TP63: variants seen among roughly 807,000 people sequenced by gnomAD.
TP63 encodes tumor protein p63, also known as tumor protein 63.
TP63 carries 17 observed loss-of-function variants against 82.8 expected under a neutral mutation model. That is an observed-to-expected ratio of 0.21 (90% confidence interval 0.14 to 0.31). The LOEUF is 0.31. TP63 is among the 10% of genes least tolerant of loss of function. The probability of loss-of-function intolerance (pLI) is 1.00; values close to 1 mark genes in which losing one functional copy is unlikely to be tolerated. For synonymous variants in TP63, 330 were observed against 321.7 expected, an observed-to-expected ratio of 1.03 and a Z score of -0.28; for missense variants, 648 against 895.3, an observed-to-expected ratio of 0.72 and a Z score of 3.52.
intron 3 of TP63, among the ~76,000 whole-genome samples, chr3:189,807,516 T>C (rs916826514): frequency 1.3e-5 from 2 of 152,266 alleles, no homozygotes; most frequent in Non-Finnish European, 2.9e-5. Flanking sequence ...ATATTGACCA[T>C]AGAATTTTCT....
intron 3 of TP63, among the ~76,000 whole-genome samples, chr3:189,746,197 C>A (rs891703148): frequency 6.6e-6 from 1 of 151,514 alleles, no homozygotes; most frequent in Non-Finnish European, 1.5e-5. Flanking sequence ...TAAAGAGACC[C>A]CCATCAGACA....
At position 189,647,683 on chromosome 3, in the gene TP63, C is replaced by T. The variant is rs960917874; in HGVS notation, c.62+16106C>T. Among the ~76,000 whole-genome samples the T allele has an allele frequency of 4.1e-5, 6 of 146,668 alleles. No individual in the cohort carries two copies. The Middle Eastern group carries it at 0.01, about 255-fold the overall frequency. ...GCAAGCTGTCTGGTCATTGTGTATG[C>T]AGCCCTTGTAGGAAGACCGAAGCCA... On this transcript the variant is annotated intron_variant, in intron 1 of 13. Coordinates refer to ENST00000264731, the MANE Select transcript of TP63 (RefSeq NM_003722.5).
chr3:189,808,759 G>T (rs1433278135), intron 4 of TP63, among the ~76,000 whole-genome samples: 1 of 152,234 alleles, frequency 6.6e-6, no homozygotes, highest in African/African-American at 2.4e-5. Flanking sequence ...ACTTCAGTCA[G>T]TGTGTTCCTG....
chr3:189,627,484 A>G (rs184287111), upstream of TP63, among the ~76,000 whole-genome samples: 9 of 152,302 alleles, frequency 5.9e-5, no homozygotes, highest in African/African-American at 1.7e-4. Context: ...CTAGCATTGT[A>G]TTGTCCAACA....
intron 5 of TP63, 26 bp downstream of exon 5, chr3:189,864,444 G>A (rs765633867): frequency 1.9e-6 from 3 of 1,592,686 alleles, no homozygotes; most frequent in South Asian, 2.2e-5. Flanking sequence ...ATCTCTAACT[G>A]TTCAACCTCC....
chr3:189,674,762 C>T (rs1715240710), intron 1 of TP63, among the ~76,000 whole-genome samples: 1 of 152,092 alleles, frequency 6.6e-6, no homozygotes, highest in Admixed American at 6.6e-5. Context: ...TTAGATGGGA[C>T]TCTATCAATG....
At position 189,890,877 on chromosome 3, in the gene TP63, A is replaced by G. The variant is rs1302119410; in HGVS notation, c.1741A>G (p.Met581Val). The change falls in exon 13 of 14, where the codon ATG becomes GTG. Residue 581 changes from methionine (M) to valine (V), a missense_variant. Coordinates refer to ENST00000264731, the MANE Select transcript of TP63 (RefSeq NM_003722.5). ...TTIYQIEHYS[M>V]DDLASLKIPE... ...CATCTATCAGATTGAGCATTACTCC[A>G]TGGATGTAAGTAACTGTTAGACTTT... 3.1e-6 allele frequency: 5 copies of G among 1,613,716 alleles called. No individual in the cohort carries two copies. The highest frequency in any genetic ancestry group is 4.2e-6 in the Non-Finnish European group (5 of 1,179,764).
intron 3 of TP63, among the ~76,000 whole-genome samples, chr3:189,801,841 T>C (rs1726340893): frequency 6.6e-6 from 1 of 152,248 alleles, no homozygotes; most frequent in African/African-American, 2.4e-5. Context: ...TTTATTCTTA[T>C]ATTTTGTTCT....
chr3:189,761,537 C>T (rs1009903208), intron 3 of TP63, among the ~76,000 whole-genome samples: 6 of 152,196 alleles, frequency 3.9e-5, no homozygotes, highest in African/African-American at 1.4e-4. Flanking sequence ...GTTCATATCA[C>T]TATCAGCATT....
intron 3 of TP63, among the ~76,000 whole-genome samples, chr3:189,783,624 T>C (rs576151241): frequency 6.6e-6 from 1 of 151,994 alleles, no homozygotes; most frequent in African/African-American, 2.4e-5. Context: ...CCTTTATTAA[T>C]GAAGACACTA....
At chr3:189,832,549 G>A (rs1712523194) in intron 4 of TP63, among the ~76,000 whole-genome samples, 1 of 152,176 alleles carries the variant, frequency 6.6e-6, no homozygotes, top group Non-Finnish European at 1.5e-5. Flanking sequence ...AATAAAGCAT[G>A]AAGTTTGACA....
chr3:189,641,835 G>A (rs1158727870), intron 1 of TP63, among the ~76,000 whole-genome samples: 7 of 152,144 alleles, frequency 4.6e-5, no homozygotes, highest in African/African-American at 1.7e-4. Context: ...TAATTTACCT[G>A]AATTATCTCA....
At chr3:189,798,187 A>G (rs1018386557) in intron 3 of TP63, among the ~76,000 whole-genome samples, 1 of 152,082 alleles carries the variant, frequency 6.6e-6, no homozygotes, top group African/African-American at 2.4e-5. Flanking sequence ...GGTGTATTGT[A>G]TATACTTAAA....
intron 1 of TP63, among the ~76,000 whole-genome samples, chr3:189,734,617 T>A (rs544228898): frequency 6.6e-6 from 1 of 152,150 alleles, no homozygotes; most frequent in Non-Finnish European, 1.5e-5. Flanking sequence ...TCCCAGATAG[T>A]CACTTAATGT....
chr3:189,797,678 A>G (rs1362526728), intron 3 of TP63, among the ~76,000 whole-genome samples: 2 of 152,082 alleles, frequency 1.3e-5, no homozygotes, highest in East Asian at 3.9e-4. Flanking sequence ...TCCACAAGAC[A>G]CACTTGAAGA....
chr3:189,738,793 C>G lies in TP63; in HGVS notation c.324+19C>G, dbSNP rs569829223. On this transcript the variant is annotated intron_variant, in intron 3 of 13. Coordinates refer to ENST00000264731, the MANE Select transcript of TP63 (RefSeq NM_003722.5). ...CATGTGGGTGAGTGGCACAGGCTTTCTCTTCAGTCTTTGGGCCATGCTATC... is the reference window on the plus strand; with the variant it reads ...CATGTGGGTGAGTGGCACAGGCTTTGTCTTCAGTCTTTGGGCCATGCTATC... The G allele has an allele frequency of 1.2e-6, 2 of 1,613,708 alleles. No homozygotes were observed. The highest frequency in any genetic ancestry group is 2.2e-5 in the South Asian group (2 of 91,028).
At chr3:189,835,965 A>G (rs902389765) in intron 4 of TP63, among the ~76,000 whole-genome samples, 1 of 120,272 alleles carries the variant, frequency 8.3e-6, no homozygotes, top group Non-Finnish European at 1.7e-5. Context: ...AATAATAATA[A>G]TAATGTAAAG....
intron 1 of TP63, among the ~76,000 whole-genome samples, chr3:189,690,889 T>C (rs1716861356): frequency 6.6e-6 from 1 of 152,220 alleles, no homozygotes; most frequent in Non-Finnish European, 1.5e-5. Flanking sequence ...GAAGATGCTT[T>C]TTTGACTGGA....
chr3:189,714,832 T>C (rs1169847341), intron 1 of TP63, among the ~76,000 whole-genome samples: 1 of 152,166 alleles, frequency 6.6e-6, no homozygotes, highest in Non-Finnish European at 1.5e-5. Context: ...AGCATCTCTT[T>C]TTTTTAAAGT....
Sources: gnomAD v4.1 joint callset for allele counts (sites outside exome capture counted in the v4.1 genomes callset) on GRCh38, gnomAD v4.1.1 for gene constraint, MANE v1.5 for transcripts, NCBI Gene and HGNC (gene_info 2026-07-23, HGNC 2026-07-21) for gene names.